RAP1GAP2: variants seen among roughly 807,000 people sequenced by gnomAD.
RAP1GAP2 encodes rap1 GTPase-activating protein 2.
Under a neutral mutation model 95.0 loss-of-function variants are expected in RAP1GAP2, and 27 were observed. That is an observed-to-expected ratio of 0.28 (90% CI 0.21 to 0.39). RAP1GAP2 has a LOEUF of 0.39. Ranked by LOEUF, RAP1GAP2 falls within the 10% of genes least tolerant of loss-of-function variation. RAP1GAP2 has a pLI of 1.00. For synonymous variants in RAP1GAP2, 373 were observed against 380.9 expected (o/e 0.98, Z 0.24); for missense variants, 771 against 970.0 (o/e 0.79, Z 2.72).
rs768615535 is a variant in RAP1GAP2, at chr17:3,026,115, A to AG, written c.1861dup (p.Glu621GlyfsTer99). ...AGCTCTCCGGAAATCTGCCCCAACA[A>AG]GGAGAAGTAAGAGAGTGAGGGTGGG... On this transcript the variant is annotated frameshift_variant, in exon 20 of 25. Transcript: ENST00000254695. LOFTEE classifies it high-confidence loss of function. 6.2e-7 allele frequency: 1 copy of AG among 1,605,720 alleles called. No individual in the cohort carries two copies. Among genetic ancestry groups the AG allele is most frequent in the Admixed American group, 1.7e-5 (1 of 59,976 alleles).
chr17:2,856,954 A>C, intron 2 of RAP1GAP2, among the ~76,000 whole-genome samples: 1 of 152,170 alleles, frequency 6.6e-6, no homozygotes, highest in East Asian at 1.9e-4. Context: ...TGTCTCTTTA[A>C]GCGTCTGAAA....
At chr17:2,788,582 A>G (rs2068846033) in intron 1 of RAP1GAP2, among the ~76,000 whole-genome samples, 1 of 152,040 alleles carries the variant, frequency 6.6e-6, no homozygotes, top group Non-Finnish European at 1.5e-5. Flanking sequence ...ACTGAGCCCC[A>G]GCCAGGCATG....
intron 2 of RAP1GAP2, among the ~76,000 whole-genome samples, chr17:2,865,347 C>T (rs192399397): frequency 1.3e-5 from 2 of 152,260 alleles, no homozygotes; most frequent in East Asian, 3.9e-4. Context: ...GTCTCTGGAA[C>T]AGCTGGGCTT....
rs2044431317 is a variant in RAP1GAP2 at position 2,963,445 on chromosome 17, T to C, written c.262T>C (p.Tyr88His). 6.2e-7 allele frequency: 1 copy of C among 1,613,716 alleles called. No individual in the cohort carries two copies. The change falls in exon 6 of 25, where the codon TAC becomes CAC. Residue 88 changes from tyrosine to histidine, a missense_variant. Transcript: ENST00000254695. This position sits in a 1 kb window ranked among gnomAD's most constrained non-coding sequence, Gnocchi z 4.8. ...TGTCTTGCAGGACGACTATATCCCATACCCCAGCATCGACGAGGTAGGTGC... is the reference window on the plus strand; with the variant it reads ...TGTCTTGCAGGACGACTATATCCCACACCCCAGCATCGACGAGGTAGGTGC... ...PQKNKDDYIP[Y>H]PSIDEVVEKG...
chr17:3,025,332 G>A (rs773490945), intron 19 of RAP1GAP2, among the ~76,000 whole-genome samples: 4 of 152,240 alleles, frequency 2.6e-5, no homozygotes, highest in South Asian at 4.1e-4. Flanking sequence ...ATCCAAGATC[G>A]CACCACTGCA....
intron 3 of RAP1GAP2, among the ~76,000 whole-genome samples, chr17:2,924,707 A>G (rs1322286205): frequency 2.0e-5 from 3 of 151,992 alleles, no homozygotes; most frequent in Non-Finnish European, 4.4e-5. Flanking sequence ...GTCCTCAAAT[A>G]TGTTTTGTTT....
intron 18 of RAP1GAP2, among the ~76,000 whole-genome samples, chr17:3,018,420 A>G (rs1254194493): frequency 2.0e-5 from 3 of 152,104 alleles, no homozygotes; most frequent in Admixed American, 6.5e-5. Flanking sequence ...GTTGACCCAG[A>G]TGGTGCTAGA....
At chr17:2,945,824 C>T (rs941362531) in intron 3 of RAP1GAP2, among the ~76,000 whole-genome samples, 1 of 150,240 alleles carries the variant, frequency 6.7e-6, no homozygotes, top group Non-Finnish European at 1.5e-5. Context: ...GAGTTTTGCT[C>T]TTTCGCCCAG....
intron 2 of RAP1GAP2, among the ~76,000 whole-genome samples, chr17:2,812,394 C>A (rs1395581652): frequency 6.6e-6 from 1 of 152,224 alleles, no homozygotes; most frequent in Non-Finnish European, 1.5e-5. Context: ...CCCAGTGACA[C>A]AGGCTTTCTA....
At chr17:2,852,961 C>A (rs542643086) in intron 2 of RAP1GAP2, among the ~76,000 whole-genome samples, 3 of 152,054 alleles carry the variant, frequency 2.0e-5, no homozygotes, top group African/African-American at 7.2e-5. Flanking sequence ...AGGGACCACG[C>A]GACGAGTGCG....
rs564247774 is a variant in RAP1GAP2, at chr17:2,857,482, G to T, written c.81-47802G>T. Among the ~76,000 whole-genome samples the T allele has an allele frequency of 2.6e-5, 4 of 152,320 alleles. No homozygotes were observed. The highest frequency in any genetic ancestry group is 2.1e-4 in the South Asian group (1 of 4,828). Reference sequence around the variant, plus strand: ...CAATTTCCGTTTTCGAGAAATGGGCGTGGTGATCATCATGTTGGACTTGAC... The same window carrying T: ...CAATTTCCGTTTTCGAGAAATGGGCTTGGTGATCATCATGTTGGACTTGAC... On this transcript the variant is annotated intron_variant, in intron 2 of 24. Transcript: ENST00000254695. The surrounding 1 kb of genome is among the most constrained non-coding windows in gnomAD (Gnocchi z 4.0).
chr17:3,013,630 T>TC (rs1438167365), intron 17 of RAP1GAP2, among the ~76,000 whole-genome samples: 1 of 102,422 alleles, frequency 9.8e-6, no homozygotes, highest in African/African-American at 3.9e-5. Context: ...TTCTTTTCTT[T>TC]TCTTTTTTTT....
intron 2 of RAP1GAP2, among the ~76,000 whole-genome samples, chr17:2,816,231 G>GTTTTTTTTTT (rs201197626): frequency 6.8e-6 from 1 of 146,616 alleles, no homozygotes. Context: ...GTGCTGTTTT[G>GTTTTTTTTTT]TTTTGTTTTT....
chr17:2,782,357 G>A lies in RAP1GAP2; in HGVS notation c.-14+5079G>A, dbSNP rs539304592. Among the ~76,000 whole-genome samples the A allele has an allele frequency of 3.3e-5, 5 of 152,338 alleles. No homozygotes were observed. In the East Asian group the frequency reaches 9.6e-4, roughly 29 times the overall value. On this transcript the variant is annotated intron_variant, in intron 1 of 24. Transcript: ENST00000540393. ...GGAGATGAGTCAGGGATGGCTGCAG[G>A]GGGTGGGCAGAAGTGGCCTGTGTGT...
At chr17:2,949,083 G>A (rs538978203) in intron 3 of RAP1GAP2, among the ~76,000 whole-genome samples, 19 of 152,174 alleles carry the variant, frequency 1.2e-4, no homozygotes, top group African/African-American at 4.1e-4. Context: ...TTTCTGTATC[G>A]GGAGGTGGTG....
At chr17:2,796,295 C>T, upstream of RAP1GAP2, 1 of 550,472 alleles carries the variant, frequency 1.8e-6, no homozygotes, top group South Asian at 2.4e-5. This position sits in a 1 kb window ranked among gnomAD's most constrained non-coding sequence, Gnocchi z 4.7. Context: ...GGGAAGCTGC[C>T]CTCCACAACC....
intron 24 of RAP1GAP2, among the ~76,000 whole-genome samples, chr17:3,032,687 CCCTT>C (rs1216178439): frequency 1.3e-5 from 2 of 152,138 alleles, no homozygotes; most frequent in African/African-American, 4.8e-5. Flanking sequence ...AGTTAGGCCT[CCCTT>C]CCACCGATGG....
intron 2 of RAP1GAP2, among the ~76,000 whole-genome samples, chr17:2,805,118 T>C (rs548594804): frequency 5.4e-4 from 83 of 152,304 alleles, no homozygotes; most frequent in African/African-American, 1.9e-3. Context: ...GTTTTCAGTC[T>C]GTATTTGCTG....
In RAP1GAP2 at chr17:3,005,154, T is replaced by C. The variant is rs2046294265; in HGVS notation, c.1201-215T>C. Among the ~76,000 whole-genome samples the C allele has an allele frequency of 6.6e-6, 1 of 152,176 alleles. No homozygotes were observed. The highest frequency in any genetic ancestry group is 1.5e-5 in the Non-Finnish European group (1 of 68,036). On this transcript the variant is annotated intron_variant, in intron 14 of 24. Coordinates refer to ENST00000254695, the MANE Select transcript of RAP1GAP2 (RefSeq NM_015085.5). The surrounding 1 kb of genome is among the most constrained non-coding windows in gnomAD (Gnocchi z 5.2). ...CAAACCTGCTTCTGGCCTCCAGGAA[T>C]GCAGATGAGAGGCTGCGGATGGCCC...
Sources: allele counts gnomAD v4.1 joint callset (sites outside exome capture counted in the v4.1 genomes callset), GRCh38; gene constraint gnomAD v4.1.1; non-coding constraint Gnocchi (gnomAD v3.1); transcripts MANE v1.5; gene names NCBI Gene and HGNC (gene_info 2026-07-23, HGNC 2026-07-21).